The following CMIP variants were observed in gnomAD, a reference collection of about 807,000 sequenced individuals.
CMIP encodes C-Maf-inducing protein.
A neutral mutation model predicts 97.3 loss-of-function variants in CMIP; 13 were observed. The observed-to-expected ratio is 0.13, with a 90% confidence interval of 0.09 to 0.21. The LOEUF is 0.21. Ranked by LOEUF, CMIP falls within the 10% of genes least tolerant of loss-of-function variation. CMIP has a pLI of 1.00. For synonymous variants in CMIP, 538 were observed against 436.3 expected (o/e 1.23, Z -2.91); for missense variants, 847 against 1,024.9 (o/e 0.83, Z 2.37).
intron 1 of CMIP, among the ~76,000 whole-genome samples, chr16:81,498,249 C>T (rs976632133): frequency 2.6e-5 from 4 of 152,324 alleles, no homozygotes; most frequent in Middle Eastern, 6.8e-3. Context: ...ATGTGGAGCC[C>T]CAGGACGTGA....
intron 1 of CMIP, among the ~76,000 whole-genome samples, chr16:81,467,556 G>A (rs903903797): frequency 1.3e-5 from 2 of 151,692 alleles, no homozygotes; most frequent in African/African-American, 4.8e-5. Flanking sequence ...CTTCTCTTTT[G>A]CTCCTTTATT....
chr16:81,667,799 A>AGTGTGTGTGTGTGTGT (rs71146027), intron 7 of CMIP, among the ~76,000 whole-genome samples: 11 of 58,130 alleles, frequency 1.9e-4, no homozygotes, highest in East Asian at 6.6e-4. Context: ...AGAGAGAGAG[A>AGTGTGTGTGTGTGTGT]GTGTGTGTGT....
At chr16:81,557,100 A>G (rs1034869725) in intron 1 of CMIP, among the ~76,000 whole-genome samples, 1 of 152,222 alleles carries the variant, frequency 6.6e-6, no homozygotes, top group African/African-American at 2.4e-5. Context: ...AAAGGTGTCA[A>G]CACCAAGGGA....
At chr16:81,649,143 A>G (rs926953389) in intron 3 of CMIP, among the ~76,000 whole-genome samples, 2 of 152,262 alleles carry the variant, frequency 1.3e-5, no homozygotes, top group East Asian at 1.9e-4. Flanking sequence ...GATAAAGCTC[A>G]TAAGAGCTAG....
At position 81,693,566 on chromosome 16, in the gene CMIP, A is replaced by C. The variant is rs531878531; in HGVS notation, c.1530+79A>C. On this transcript the variant is annotated intron_variant, in intron 13 of 20. Coordinates refer to ENST00000537098, the MANE Select transcript of CMIP (RefSeq NM_198390.3). ...ACGAGGGCCCCTTAGAGGCCTTCTGAAGCTTGTCACCAACAGGCATTCAGA... is the reference window on the plus strand; with the variant it reads ...ACGAGGGCCCCTTAGAGGCCTTCTGCAGCTTGTCACCAACAGGCATTCAGA... 4.3e-5 allele frequency: 63 copies of C among 1,469,914 alleles called. No individual in the cohort carries two copies. The East Asian group carries it at 1.4e-3, about 33-fold the overall frequency. The allele number at this position is 1,469,914 out of a possible 1,614,324, so 91.1% of individuals were successfully genotyped here.
chr16:81,690,531 T>G (rs1201778794), intron 10 of CMIP, among the ~76,000 whole-genome samples: 1 of 152,274 alleles, frequency 6.6e-6, no homozygotes, highest in East Asian at 1.9e-4. Context: ...TGAGTCTGAG[T>G]CTCGCTCTGT....
intron 3 of CMIP, chr16:81,622,212 A>C (rs2092001474): frequency 6.6e-6 from 1 of 152,216 alleles, no homozygotes; most frequent in Non-Finnish European, 1.5e-5. Context: ...GAAGGGGCTG[A>C]GGCAGGGCTC....
chr16:81,535,145 T>C (rs2090316937), intron 1 of CMIP, among the ~76,000 whole-genome samples: 1 of 152,054 alleles, frequency 6.6e-6, no homozygotes, highest in Admixed American at 6.5e-5. Flanking sequence ...AGAGACGGGG[T>C]TTCACTGTGT....
At chr16:81,626,447 ATGAGTGT>A (rs2092065319) in intron 3 of CMIP, among the ~76,000 whole-genome samples, 1 of 111,308 alleles carries the variant, frequency 9.0e-6, no homozygotes, top group Non-Finnish European at 2.1e-5. Context: ...TGACTATCTT[ATGAGTGT>A]GTGTGTGTAT....
chr16:81,686,923 C>T (rs1905460250), intron 10 of CMIP, among the ~76,000 whole-genome samples: 1 of 151,674 alleles, frequency 6.6e-6, no homozygotes, highest in Non-Finnish European at 1.5e-5. Context: ...TCTGAGCACC[C>T]CCTGGCCTCT....
At chr16:81,661,143 A>T (rs574918392) in intron 6 of CMIP, among the ~76,000 whole-genome samples, 197 bp downstream of exon 6, 2 of 152,218 alleles carry the variant, frequency 1.3e-5, no homozygotes, top group African/African-American at 4.8e-5. Context: ...ACAGGTGACA[A>T]AGAGTCACAA....
At chr16:81,567,070 G>C (rs1372300916) in intron 1 of CMIP, among the ~76,000 whole-genome samples, 1 of 152,232 alleles carries the variant, frequency 6.6e-6, no homozygotes, top group Non-Finnish European at 1.5e-5. Context: ...CTTGCCATCA[G>C]TATGTATGAG....
chr16:81,566,172 C>G (rs2090980773), intron 1 of CMIP, among the ~76,000 whole-genome samples: 1 of 152,218 alleles, frequency 6.6e-6, no homozygotes, highest in Non-Finnish European at 1.5e-5. Flanking sequence ...GCCCTCTCCT[C>G]AAGAAGGAGG....
chr16:81,505,548 A>G (rs1398350197), intron 1 of CMIP, among the ~76,000 whole-genome samples: 1 of 152,150 alleles, frequency 6.6e-6, no homozygotes, highest in Non-Finnish European at 1.5e-5. Flanking sequence ...TTAGTTTGGG[A>G]ACTGAAAGCC....
intron 1 of CMIP, among the ~76,000 whole-genome samples, chr16:81,470,278 A>T (rs549385469): frequency 1.3e-5 from 2 of 152,210 alleles, no homozygotes; most frequent in African/African-American, 4.8e-5. Flanking sequence ...CCAGCGGTTC[A>T]AGAGGTGCCC....
intron 1 of CMIP, among the ~76,000 whole-genome samples, chr16:81,506,599 G>A (rs1055159124): frequency 3.3e-5 from 5 of 152,248 alleles, no homozygotes; most frequent in Non-Finnish European, 7.3e-5. Flanking sequence ...ATAGAAAGAT[G>A]ATCAAGTGGG....
chr16:81,645,549 T>C, intron 3 of CMIP: 1 of 1,536,020 alleles, frequency 6.5e-7, no homozygotes. Context: ...CCCTGGCATA[T>C]GTGCTTGCCT....
chr16:81,705,286 C>T (rs905200437), intron 18 of CMIP, among the ~76,000 whole-genome samples: 1 of 152,228 alleles, frequency 6.6e-6, no homozygotes, highest in Admixed American at 6.5e-5. Context: ...GGCCTGGCTC[C>T]ACTCCCAACA....
chr16:81,677,263 G>A (rs1350291016), intron 9 of CMIP, among the ~76,000 whole-genome samples: 1 of 152,148 alleles, frequency 6.6e-6, no homozygotes, highest in Non-Finnish European at 1.5e-5. Context: ...CTGGGCTTTG[G>A]GGTCCAGGAG....
Sources: allele counts gnomAD v4.1 joint callset (sites outside exome capture counted in the v4.1 genomes callset), GRCh38; gene constraint gnomAD v4.1.1; transcripts MANE v1.5; gene names NCBI Gene and HGNC (gene_info 2026-07-23, HGNC 2026-07-21).